KLHL41: variants seen among roughly 807,000 people sequenced by gnomAD.
KLHL41 encodes the protein kelch-like protein 41.
Under a neutral mutation model 49.2 loss-of-function variants are expected in KLHL41, and 31 were observed. The observed-to-expected ratio is 0.63, with a 90% CI of 0.47 to 0.85. The LOEUF (loss-of-function observed/expected upper bound fraction) is 0.85. Among genes scored for constraint, KLHL41 ranks in the 40% least tolerant of loss-of-function variants. The pLI, the probability that KLHL41 is intolerant of heterozygous loss-of-function variation, is 0.00. For synonymous variants in KLHL41, 218 were observed against 258.5 expected (o/e 0.84, Z 1.50); for missense variants, 663 against 726.7 (o/e 0.91, Z 1.01).
intron 4 of KLHL41, among the ~76,000 whole-genome samples, chr2:169,519,776 T>C (rs187314827): frequency 6.6e-6 from 1 of 152,096 alleles, no homozygotes; most frequent in East Asian, 1.9e-4. Context: ...GTATTTTTAG[T>C]AGAGATGGGG....
intron 4 of KLHL41, among the ~76,000 whole-genome samples, chr2:169,518,756 T>C (rs1018698187): frequency 4.6e-5 from 7 of 152,248 alleles, no homozygotes; most frequent in African/African-American, 1.7e-4. Context: ...CATAGCTCAC[T>C]GCTGCCTCAA....
At chr2:169,514,312 C>A in intron 1 of KLHL41, 2 of 319,378 alleles carry the variant, frequency 6.3e-6, no homozygotes, top group South Asian at 6.7e-5. Context: ...TGTAATTAAC[C>A]TCTGGTGATT....
chr2:169,522,209 C>T (rs1434459229), intron 5 of KLHL41, among the ~76,000 whole-genome samples: 3 of 152,154 alleles, frequency 2.0e-5, no homozygotes, highest in Admixed American at 6.5e-5. Context: ...CCTTAACCAG[C>T]AGATGCTTTA....
At chr2:169,521,048 A>G in intron 5 of KLHL41, 41 bp downstream of exon 5, 2 of 1,572,366 alleles carry the variant, frequency 1.3e-6, no homozygotes, top group Non-Finnish European at 1.7e-6. Context: ...CACATATTAA[A>G]TCAGATGACT....
intron 5 of KLHL41, among the ~76,000 whole-genome samples, chr2:169,521,352 T>C (rs1391624175): frequency 1.2e-4 from 19 of 152,176 alleles, no homozygotes; most frequent in Admixed American, 1.2e-3. Context: ...AGTAGTTTAT[T>C]TCCTAACAAA....
chr2:169,519,170 A>G (rs1684161837), intron 4 of KLHL41, among the ~76,000 whole-genome samples: 1 of 152,096 alleles, frequency 6.6e-6, no homozygotes, highest in Non-Finnish European at 1.5e-5. Context: ...TTAAGCTTTT[A>G]TTGACTTAAT....
chr2:169,517,476 T>C (rs1441916244), intron 3 of KLHL41, among the ~76,000 whole-genome samples: 1 of 152,176 alleles, frequency 6.6e-6, no homozygotes, highest in African/African-American at 2.4e-5. Context: ...TGATGGCACA[T>C]GCCTGTGTTC....
chr2:169,520,305 TG>T (rs1420709438), intron 4 of KLHL41, among the ~76,000 whole-genome samples: 4 of 114,972 alleles, frequency 3.5e-5, no homozygotes, highest in Non-Finnish European at 7.7e-5. Context: ...TGTGTGTGTG[TG>T]TGTGTATGTG....
chr2:169,514,713 T>A lies in KLHL41; in HGVS notation c.1250T>A (p.Val417Glu). Residue 417 changes from valine (V) to glutamate (E), a missense_variant, in exon 2 of 6, where the codon GTA becomes GAA. Val to Glu is a moderately radical substitution (Grantham distance 121, BLOSUM62 -2). Around this residue, in one of 3 missense-constraint regions of KLHL41, gnomAD observed 528 missense variants for 581.0 expected, o/e 0.91. Transcript: ENST00000284669. ...DLQTEASLDS[V>E]LCYDPVAAKW... is the part of the protein sequence containing the mutation. ...CAAACAGAGGCTTCGCTGGATTCAG[T>A]ATTATGCTATGATCCTGTGTAAGTT... 2 of 1,614,152 alleles carry A rather than the reference T, an allele frequency of 1.2e-6. No homozygotes were observed. Among genetic ancestry groups the A allele is most frequent in the African/African-American group, 1.3e-5 (1 of 75,044 alleles).
chr2:169,510,942 C>A lies in KLHL41; in HGVS notation c.1110+54C>A. ...GCTTAAAGGGAAGGCTGTTACTCAC[C>A]ATCCAGTTAGCCAATTTGTGAATTA... On this transcript the variant is annotated intron_variant, in intron 1 of 5. Transcript: ENST00000284669. This position sits in a 1 kb window ranked among gnomAD's most constrained non-coding sequence, Gnocchi z 4.2. 6.9e-7 allele frequency: 1 copy of A among 1,453,296 alleles called. No individual in the cohort carries two copies. Among genetic ancestry groups the A allele is most frequent in the Non-Finnish European group, 9.4e-7 (1 of 1,061,622 alleles). 90.0% of individuals were successfully genotyped at this position (1,453,296 alleles called of 1,614,324 possible).
At position 169,525,639 on chromosome 2, in the gene KLHL41, T is replaced by C. The variant is rs773723368; in HGVS notation, c.1764T>C (p.Ala588=). The C allele has an allele frequency of 3.2e-5, 52 of 1,613,660 alleles. 1 individual carries two copies. Among genetic ancestry groups the C allele is most frequent in the Non-Finnish European group, 4.3e-5 (51 of 1,179,702 alleles). Residue 588 remains alanine (A), a synonymous_variant, in exon 6 of 6, where the codon GCT becomes GCC. Coordinates refer to ENST00000284669, the MANE Select transcript of KLHL41 (RefSeq NM_006063.3). ...GGATGTTGAAGGAAATACGTTATGC[T>C]TCAGGAGCTAGTTGCCTAGCAACAC... The part of the protein sequence containing the change: ...WAGMLKEIRY[A]SGASCLATRL...
chr2:169,522,995 T>G (rs531283437), intron 5 of KLHL41, among the ~76,000 whole-genome samples: 1 of 151,930 alleles, frequency 6.6e-6, no homozygotes, highest in South Asian at 2.1e-4. Flanking sequence ...AGTGCTGGGA[T>G]TACAGGCGTC....
chr2:169,519,784 G>GGGT (rs1441465404), intron 4 of KLHL41, among the ~76,000 whole-genome samples: 1 of 151,658 alleles, frequency 6.6e-6, no homozygotes, highest in African/African-American at 2.4e-5. Context: ...AGTAGAGATG[G>GGGT]GGTTTCACCA....
chr2:169,525,588 T>A lies in KLHL41; in HGVS notation c.1713T>A (p.Tyr571Ter). 1.9e-6 allele frequency: 3 copies of A among 1,593,144 alleles called. No homozygotes were observed. The highest frequency in any genetic ancestry group is 2.6e-6 in the Non-Finnish European group (3 of 1,161,082). The change falls in exon 6 of 6, where the codon TAT becomes TAA. Residue 571 changes from tyrosine to a stop codon, truncating the protein, a stop_gained. Coordinates refer to ENST00000284669, the MANE Select transcript of KLHL41 (RefSeq NM_006063.3). LOFTEE classifies it high-confidence loss of function. ...TACTTTTTTTTTCCTCCATCAGGTA[T>A]GAAGATGATAAAAAAGAATGGGCTG... ...APTEVNDIWK[Y>*]EDDKKEWAGM...
rs2105312578 is a variant in KLHL41, at chr2:169,520,966, G to A, written c.1668G>A (p.Glu556=). The A allele has an allele frequency of 1.2e-6, 2 of 1,614,008 alleles. No individual in the cohort carries two copies. Among genetic ancestry groups the A allele is most frequent in the South Asian group, 2.2e-5 (2 of 91,076 alleles). The change falls in exon 5 of 6, where the codon GAG becomes GAA. Residue 556 remains glutamate, a synonymous_variant. Coordinates refer to ENST00000284669, the MANE Select transcript of KLHL41 (RefSeq NM_006063.3). ...GTGGTTTTGCTATGATTCAACTGGA[G>A]TCTAAAGAATTTGCACCCACTGAAG... ...AIGGFAMIQL[E]SKEFAPTEVN... is the part of the protein sequence containing the mutation.
At chr2:169,516,119 G>A (rs1404291041) in intron 3 of KLHL41, among the ~76,000 whole-genome samples, 1 of 152,148 alleles carries the variant, frequency 6.6e-6, no homozygotes, top group Non-Finnish European at 1.5e-5. Context: ...TGAAAAATCT[G>A]CCTGATTTGG....
intron 1 of KLHL41, chr2:169,514,164 C>G (rs932119495): frequency 6.2e-6 from 1 of 160,684 alleles, no homozygotes; most frequent in South Asian, 1.9e-4. Context: ...AAATATAGCA[C>G]GCAGGGGTCA....
At chr2:169,517,797 G>A (rs543016460) in intron 3 of KLHL41, among the ~76,000 whole-genome samples, 2 of 152,188 alleles carry the variant, frequency 1.3e-5, no homozygotes, top group African/African-American at 4.8e-5. Context: ...TATTCTTTAA[G>A]TTAACTGATT....
chr2:169,524,781 T>C (rs900002224), intron 5 of KLHL41, among the ~76,000 whole-genome samples: 10 of 151,034 alleles, frequency 6.6e-5, no homozygotes, highest in Admixed American at 6.6e-4. Context: ...CTTTGAGGCT[T>C]GAGGACATTG....
Sources: allele counts gnomAD v4.1 joint callset (sites outside exome capture counted in the v4.1 genomes callset), GRCh38; gene constraint gnomAD v4.1.1; regional missense constraint gnomAD v4.1.1; non-coding constraint Gnocchi (gnomAD v3.1); transcripts MANE v1.5; gene names NCBI Gene and HGNC (gene_info 2026-07-23, HGNC 2026-07-21).